Variants in C6 observed in about 807,000 individuals in gnomAD.
C6 encodes complement component C6.
Under a neutral mutation model 112.9 loss-of-function variants are expected in C6, and 101 were observed. That is an observed-to-expected ratio of 0.89 (90% CI 0.76 to 1.06). The LOEUF is 1.06. Among genes scored for constraint, C6 ranks in the 50% least tolerant of loss-of-function variants. The pLI is 0.00. For missense variants in C6, 1,202 were observed against 1,104.6 expected, an observed-to-expected ratio of 1.09 and a Z score of -1.25; for synonymous variants, 431 against 384.1, an observed-to-expected ratio of 1.12 and a Z score of -1.43.
chr5:41,230,472 T>TA (rs1437603625), intron 1 of C6, among the ~76,000 whole-genome samples: 3 of 152,096 alleles, frequency 2.0e-5, no homozygotes, highest in Admixed American at 2.0e-4. Context: ...AGCCCTGGTC[T>TA]CCTGTAGCAC....
chr5:41,211,080 C>A (rs998846987), intron 1 of C6, among the ~76,000 whole-genome samples: 3 of 152,100 alleles, frequency 2.0e-5, no homozygotes, highest in Non-Finnish European at 4.4e-5. Context: ...AGTTCATATC[C>A]TTTGTAGGGA....
intron 1 of C6, among the ~76,000 whole-genome samples, chr5:41,234,858 T>A (rs1261553796): frequency 6.6e-6 from 1 of 151,954 alleles, no homozygotes; most frequent in Non-Finnish European, 1.5e-5. Context: ...TTACTCAGAA[T>A]ACAAGGTAGA....
chr5:41,154,984 C>T lies in C6; in HGVS notation c.2089G>A (p.Val697Met), dbSNP rs1451432268. 1 of 1,613,810 alleles carries T rather than the reference C, an allele frequency of 6.2e-7. No homozygotes were observed. The highest frequency in any genetic ancestry group is 1.1e-5 in the South Asian group (1 of 91,086). The change falls in exon 14 of 18, where the codon GTG (valine) becomes ATG (methionine). Residue 697 changes from valine (V) to methionine (M), a missense_variant. By Grantham distance (21) the Val-to-Met change is conservative (BLOSUM62 1). Coordinates refer to ENST00000337836, the MANE Select transcript of C6 (RefSeq NM_000065.5). ...LPDGTWRQGD[V>M]ECQRTECIKP... The stretch of plus-strand genomic sequence containing the variant: ...GCCCAGTTCTCACGTTGGCATTCCA[C>T]ATCCCCTTGTCTCCAGGTCCCGTCT...
At chr5:41,169,319 A>G (rs1206731780) in intron 9 of C6, among the ~76,000 whole-genome samples, 1 of 151,932 alleles carries the variant, frequency 6.6e-6, no homozygotes, top group Non-Finnish European at 1.5e-5. Flanking sequence ...ACACATACGC[A>G]CACACACACA....
chr5:41,154,445 A>T (rs1746708220), intron 14 of C6, among the ~76,000 whole-genome samples: 1 of 152,196 alleles, frequency 6.6e-6, no homozygotes, highest in South Asian at 2.1e-4. Context: ...CCTTATTTGA[A>T]TCTTGTTTTT....
chr5:41,247,613 G>C (rs1372867227), intron 1 of C6, among the ~76,000 whole-genome samples: 2 of 151,630 alleles, frequency 1.3e-5, no homozygotes, highest in Non-Finnish European at 2.9e-5. Flanking sequence ...AGCTACTCAG[G>C]AGGCTGAGGC....
At chr5:41,237,131 C>T (rs370506348) in intron 1 of C6, among the ~76,000 whole-genome samples, 4 of 125,340 alleles carry the variant, frequency 3.2e-5, no homozygotes, top group African/African-American at 9.7e-5. Context: ...GATTCACAGC[C>T]GAATTCTACC....
In C6 at chr5:41,172,320, CAG is replaced by C. The variant is rs1218545038; in HGVS notation, c.1194_1195del (p.His398GlnfsTer5). On this transcript the variant is annotated frameshift_variant, in exon 9 of 18. Transcript: ENST00000337836. LOFTEE classifies it high-confidence loss of function. Reference sequence around the variant, plus strand: ...GCGTTTCTTTGTTTCAATCCTGACACAGTGTTTGGCTTCTTCCTCGGTTAAAC... The same window carrying C: ...GCGTTTCTTTGTTTCAATCCTGACACTGTTTGGCTTCTTCCTCGGTTAAAC... 9 of 1,613,532 alleles carry C rather than the reference CAG, an allele frequency of 5.6e-6. No individual in the cohort carries two copies. Among genetic ancestry groups the C allele is most frequent in the Non-Finnish European group, 7.6e-6 (9 of 1,179,782 alleles).
chr5:41,202,781 G>A (rs1751132261), intron 2 of C6, among the ~76,000 whole-genome samples: 1 of 152,036 alleles, frequency 6.6e-6, no homozygotes. Context: ...ACTAACTATA[G>A]GCAAGCAAAG....
chr5:41,227,630 T>C (rs1739605479), intron 1 of C6, among the ~76,000 whole-genome samples: 1 of 152,136 alleles, frequency 6.6e-6, no homozygotes, highest in African/African-American at 2.4e-5. Context: ...CTTTGATAAC[T>C]TTTCAGTTGA....
chr5:41,232,663 A>T (rs532317989), intron 1 of C6, among the ~76,000 whole-genome samples: 3 of 152,194 alleles, frequency 2.0e-5, no homozygotes, highest in South Asian at 2.1e-4. Flanking sequence ...AGTAAAAAAA[A>T]TTTTAAGTCA....
In C6 at chr5:41,161,817, C is replaced by A; in HGVS notation, c.1334G>T (p.Arg445Leu). The A allele has an allele frequency of 1.2e-6, 2 of 1,613,600 alleles. No homozygotes were observed. The highest frequency in any genetic ancestry group is 1.7e-6 in the Non-Finnish European group (2 of 1,179,652). Residue 445 changes from arginine to leucine, a missense_variant, in exon 10 of 18, where the codon CGA becomes CTA. By Grantham distance (102) the Arg-to-Leu change is moderately radical. Transcript: ENST00000337836. ...TGCTCCATATTCACTCCTTCCACCT[C>A]GAATCAGGGATATGGATTTCTCTGC... ...QGAEKSISLI[R>L]GGRSEYGAAL...
At chr5:41,210,542 C>G (rs533766314) in intron 1 of C6, among the ~76,000 whole-genome samples, 1 of 152,180 alleles carries the variant, frequency 6.6e-6, no homozygotes, top group Non-Finnish European at 1.5e-5. Context: ...ACAACCCCAT[C>G]AAAAAGTGGG....
chr5:41,147,689 T>G (rs1363186809), intron 17 of C6, among the ~76,000 whole-genome samples: 4 of 152,218 alleles, frequency 2.6e-5, no homozygotes, highest in Admixed American at 2.6e-4. Flanking sequence ...TTAAGATAAT[T>G]TTTTTGGAAA....
At chr5:41,214,753 G>A, upstream of C6, among the ~76,000 whole-genome samples, 1 of 152,160 alleles carries the variant, frequency 6.6e-6, no homozygotes, top group East Asian at 1.9e-4. Context: ...TTTGTCCTGA[G>A]TTCAAGGTGT....
intron 5 of C6, among the ~76,000 whole-genome samples, chr5:41,193,323 A>G (rs762531184): frequency 4.6e-5 from 7 of 152,204 alleles, no homozygotes; most frequent in Non-Finnish European, 8.8e-5. Context: ...GAAATCTTTT[A>G]GGAGTTAAGC....
At chr5:41,162,071 C>A (rs895212832) in intron 9 of C6, among the ~76,000 whole-genome samples, 1 of 152,114 alleles carries the variant, frequency 6.6e-6, no homozygotes, top group Non-Finnish European at 1.5e-5. Flanking sequence ...TAACAGCTAC[C>A]ATTTATTAAG....
intron 17 of C6, among the ~76,000 whole-genome samples, chr5:41,148,426 A>C (rs1746055231): frequency 6.6e-6 from 1 of 152,158 alleles, no homozygotes; most frequent in Non-Finnish European, 1.5e-5. Flanking sequence ...AATGTTCAAG[A>C]CCCAGGGGCC....
chr5:41,174,922 T>C (rs888282019), intron 8 of C6, among the ~76,000 whole-genome samples: 1 of 152,206 alleles, frequency 6.6e-6, no homozygotes, highest in African/African-American at 2.4e-5. Context: ...GAGAATTTCA[T>C]TTTCTTGAGA....
Sources: allele counts gnomAD v4.1 joint callset (sites outside exome capture counted in the v4.1 genomes callset), GRCh38; gene constraint gnomAD v4.1.1; transcripts MANE v1.5; gene names NCBI Gene and HGNC (gene_info 2026-07-23, HGNC 2026-07-21).